Variants in CYP26B1 observed in about 807,000 individuals in gnomAD.
CYP26B1 encodes the protein cytochrome P450 family 26 subfamily B member 1.
CYP26B1 carries 8 observed loss-of-function variants against 39.1 expected under a neutral mutation model. The ratio of observed to expected loss-of-function variants is 0.20; its 90% CI spans 0.12 to 0.37. The LOEUF (loss-of-function observed/expected upper bound fraction) is 0.37. Ranked by LOEUF, CYP26B1 falls within the 10% of genes least tolerant of loss-of-function variation. The pLI is 1.00. For missense variants in CYP26B1, 615 were observed against 707.0 expected (o/e 0.87, Z 1.48); for synonymous variants, 321 against 314.3 (o/e 1.02, Z -0.23).
chr2:72,137,083 C>A (rs912351864), intron 2 of CYP26B1, among the ~76,000 whole-genome samples: 2 of 152,166 alleles, frequency 1.3e-5, no homozygotes, highest in Non-Finnish European at 2.9e-5. Context: ...CCAGAAACAG[C>A]CAGCCCAGGA....
intron 2 of CYP26B1, among the ~76,000 whole-genome samples, chr2:72,142,690 T>A (rs1309591938): frequency 6.6e-6 from 1 of 152,150 alleles, no homozygotes; most frequent in East Asian, 1.9e-4. Flanking sequence ...CCCGCAACTT[T>A]GAAAAGCCGA....
At position 72,132,386 on chromosome 2, in the gene CYP26B1, G is replaced by A; in HGVS notation, c.1380C>T (p.Ser460=). The change falls in exon 6 of 6, where the codon AGC becomes AGT. Residue 460 remains serine, a synonymous_variant. Coordinates refer to ENST00000001146, the MANE Select transcript of CYP26B1 (RefSeq NM_019885.4). ...GTGTGGCCAGCTCAAAGCGGCTGGTGCTAGCCAGCTCCACCGCCAGCACCT... is the reference window on the plus strand; with the variant it reads ...GTGTGGCCAGCTCAAAGCGGCTGGTACTAGCCAGCTCCACCGCCAGCACCT... The part of the protein sequence containing the change: ...FLKVLAVELA[S]TSRFELATRT... 6.2e-7 allele frequency: 1 copy of A among 1,611,610 alleles called. No individual in the cohort carries two copies. The highest frequency in any genetic ancestry group is 8.5e-7 in the Non-Finnish European group (1 of 1,178,640).
chr2:72,143,116 C>A (rs1676992981), intron 2 of CYP26B1: 1 of 166,634 alleles, frequency 6.0e-6, no homozygotes, highest in South Asian at 2.1e-4. Context: ...CCTTAGGTTT[C>A]AAACCTGGGT....
intron 2 of CYP26B1, among the ~76,000 whole-genome samples, 188 bp from the exon 3 acceptor site, chr2:72,135,607 T>C (rs1558968333): frequency 6.6e-6 from 1 of 151,970 alleles, no homozygotes; most frequent in Non-Finnish European, 1.5e-5. Context: ...GGGGCATAAG[T>C]GGGGGCTGGG....
intron 2 of CYP26B1, among the ~76,000 whole-genome samples, chr2:72,136,677 G>A (rs1033969526): frequency 3.9e-5 from 6 of 152,198 alleles, no homozygotes; most frequent in African/African-American, 1.4e-4. Context: ...AAGCCCAGAT[G>A]GGTCATTCAC....
chr2:72,146,853 T>C (rs1267090104), intron 1 of CYP26B1, among the ~76,000 whole-genome samples: 2 of 152,200 alleles, frequency 1.3e-5, no homozygotes, highest in Non-Finnish European at 2.9e-5. Flanking sequence ...GTCTGGTCCC[T>C]GACGCGCCTC....
chr2:72,142,628 T>C (rs1676974728), intron 2 of CYP26B1, among the ~76,000 whole-genome samples: 1 of 152,198 alleles, frequency 6.6e-6, no homozygotes, highest in Non-Finnish European at 1.5e-5. Context: ...CTCTCCTCGC[T>C]CTTTGGAATG....
chr2:72,140,614 C>A (rs1676916759), intron 2 of CYP26B1, among the ~76,000 whole-genome samples: 1 of 152,192 alleles, frequency 6.6e-6, no homozygotes, highest in South Asian at 2.1e-4. Context: ...TGTGGGCTAG[C>A]CTTCCCCGGG....
At position 72,130,819 on chromosome 2, in the gene CYP26B1, C is replaced by G. The variant is rs1208313945; in HGVS notation, c.*1408G>C. On this transcript the variant is annotated 3_prime_UTR_variant, in exon 6 of 6. Transcript: ENST00000001146. The stretch of plus-strand genomic sequence containing the variant: ...AAACCGCACGTAGCCGCCTCTTCAG[C>G]TTCAGCTGCGGCAGCCTTCCCGCAG... The G allele has an allele frequency of 6.6e-6, 1 of 152,180 alleles. No individual in the cohort carries two copies. The highest frequency in any genetic ancestry group is 2.4e-5 in the African/African-American group (1 of 41,426). 9.4% of individuals were successfully genotyped at this position (152,180 alleles called of 1,614,324 possible).
chr2:72,131,999 A>G lies in CYP26B1; in HGVS notation c.*228T>C. On this transcript the variant is annotated 3_prime_UTR_variant, in exon 6 of 6. Coordinates refer to ENST00000001146, the MANE Select transcript of CYP26B1 (RefSeq NM_019885.4). ...CACGCCCTTCCCAGGGGCTGAGCTG[A>G]TGGTAAATGGGGAGTGGCTGGAGGG... 1 of 593,768 alleles carries G rather than the reference A, an allele frequency of 1.7e-6. No individual in the cohort carries two copies. Among genetic ancestry groups the G allele is most frequent in the Middle Eastern group, 4.5e-4 (1 of 2,218 alleles). The allele number at this position is 593,768 out of a possible 1,614,324, so 36.8% of individuals were successfully genotyped here.
intron 2 of CYP26B1, among the ~76,000 whole-genome samples, chr2:72,136,149 G>A (rs757781581): frequency 5.9e-5 from 9 of 152,244 alleles, no homozygotes; most frequent in South Asian, 2.1e-4. Flanking sequence ...AGGGGAGCAC[G>A]TTAGTTTATT....
At chr2:72,138,593 G>A (rs1676846295) in intron 2 of CYP26B1, among the ~76,000 whole-genome samples, 1 of 152,204 alleles carries the variant, frequency 6.6e-6, no homozygotes, top group African/African-American at 2.4e-5. Flanking sequence ...AAGGTCACTG[G>A]GAGCCAGCCC....
At position 72,132,045 on chromosome 2, in the gene CYP26B1, G is replaced by A. The variant is rs1164005654; in HGVS notation, c.*182C>T. 4 of 673,590 alleles carry A rather than the reference G, an allele frequency of 5.9e-6. No homozygotes were observed. In the Admixed American group the frequency reaches 8.7e-5, roughly 15 times the overall value. 41.7% of individuals were successfully genotyped at this position (673,590 alleles called of 1,614,324 possible). The stretch of plus-strand genomic sequence containing the variant: ...GAGGGAAGCTGGAGCCAGAAGGGGA[G>A]CCCAGCCCTAGGAATGGGGCCCACT... On this transcript the variant is annotated 3_prime_UTR_variant, in exon 6 of 6. Coordinates refer to ENST00000001146, the MANE Select transcript of CYP26B1 (RefSeq NM_019885.4).
At position 72,130,019 on chromosome 2, in the gene CYP26B1, C is replaced by T. The variant is rs1432769301; in HGVS notation, c.*2208G>A. 2 of 152,142 alleles carry T rather than the reference C, an allele frequency of 1.3e-5. No homozygotes were observed. The highest frequency in any genetic ancestry group is 4.8e-5 in the African/African-American group (2 of 41,354). 9.4% of individuals were successfully genotyped at this position (152,142 alleles called of 1,614,324 possible). A position where few individuals can be genotyped will look rare whatever the true frequency, so the allele number is the denominator to read the frequency against. On this transcript the variant is annotated 3_prime_UTR_variant, in exon 6 of 6. Coordinates refer to ENST00000001146, the MANE Select transcript of CYP26B1 (RefSeq NM_019885.4). ...CAGGGACCCCCCTCAGCTTTTCCTTCTCTGCCCCCTACCAGGCTGGCCACC... is the reference window on the plus strand; with the variant it reads ...CAGGGACCCCCCTCAGCTTTTCCTTTTCTGCCCCCTACCAGGCTGGCCACC...
Position 72,132,048 on chromosome 2 carries a change from C to T in CYP26B1, c.*179G>A. The T allele has an allele frequency of 1.5e-6, 1 of 685,094 alleles. No individual in the cohort carries two copies. Among genetic ancestry groups the T allele is most frequent in the East Asian group, 2.7e-5 (1 of 36,484 alleles). 42.4% of individuals were successfully genotyped at this position (685,094 alleles called of 1,614,324 possible). A position where few individuals can be genotyped will look rare whatever the true frequency, so the allele number is the denominator to read the frequency against. ...GGAAGCTGGAGCCAGAAGGGGAGCCCAGCCCTAGGAATGGGGCCCACTGGC... is the reference window on the plus strand; with the variant it reads ...GGAAGCTGGAGCCAGAAGGGGAGCCTAGCCCTAGGAATGGGGCCCACTGGC... On this transcript the variant is annotated 3_prime_UTR_variant, in exon 6 of 6. Coordinates refer to ENST00000001146, the MANE Select transcript of CYP26B1 (RefSeq NM_019885.4).
At chr2:72,136,430 G>A (rs965218216) in intron 2 of CYP26B1, among the ~76,000 whole-genome samples, 1 of 152,258 alleles carries the variant, frequency 6.6e-6, no homozygotes, top group African/African-American at 2.4e-5. Context: ...CATTTTCCTG[G>A]CCTAGGCCCT....
In CYP26B1 at chr2:72,129,944, T is replaced by C. The variant is rs1217971290; in HGVS notation, c.*2283A>G. 2 of 152,216 alleles carry C rather than the reference T, an allele frequency of 1.3e-5. No homozygotes were observed. Among genetic ancestry groups the C allele is most frequent in the African/African-American group, 4.8e-5 (2 of 41,436 alleles). 9.4% of individuals were successfully genotyped at this position (152,216 alleles called of 1,614,324 possible). A position where few individuals can be genotyped will look rare whatever the true frequency, so the allele number is the denominator to read the frequency against. ...GCCAGAGCTTTCTTCAGCTCTCTTC[T>C]CACTGCCTTTGAGACCCAGCGGGGC... On this transcript the variant is annotated 3_prime_UTR_variant, in exon 6 of 6. Transcript: ENST00000001146.
At position 72,131,670 on chromosome 2, in the gene CYP26B1, C is replaced by G. The variant is rs556845549; in HGVS notation, c.*557G>C. On this transcript the variant is annotated 3_prime_UTR_variant, in exon 6 of 6. Transcript: ENST00000001146. ...AATAGGTAATTTCAAATTGTCCAAACTGGTGAGGGAGGGTGGGAACCGTGG... is the reference window on the plus strand; with the variant it reads ...AATAGGTAATTTCAAATTGTCCAAAGTGGTGAGGGAGGGTGGGAACCGTGG... 1.9e-4 allele frequency: 29 copies of G among 154,276 alleles called. No homozygotes were observed. In the South Asian group the frequency reaches 2.3e-3, roughly 12 times the overall value. The allele number at this position is 154,276 out of a possible 1,614,324, so 9.6% of individuals were successfully genotyped here.
In CYP26B1 at chr2:72,144,357, T is replaced by G. The variant is rs371004140; in HGVS notation, c.205-144A>C. Reference sequence around the variant, plus strand: ...CTCACACAGACGAGCACGCAGGTTTTATTTTTCATAGCGTGCACAAGAACT... The same window carrying G: ...CTCACACAGACGAGCACGCAGGTTTGATTTTTCATAGCGTGCACAAGAACT... On this transcript the variant is annotated intron_variant, in intron 1 of 5. Transcript: ENST00000001146. 2.0e-3 allele frequency: 2,860 copies of G among 1,444,652 alleles called. 39 individuals are homozygous for G. In the African/African-American group the frequency reaches 0.034, roughly 17 times the overall value. 89.5% of individuals were successfully genotyped at this position (1,444,652 alleles called of 1,614,324 possible).
Sources: allele counts gnomAD v4.1 joint callset (sites outside exome capture counted in the v4.1 genomes callset), GRCh38; gene constraint gnomAD v4.1.1; transcripts MANE v1.5; gene names NCBI Gene and HGNC (gene_info 2026-07-23, HGNC 2026-07-21).